The following PLCH1 variants were observed in gnomAD, a reference collection of about 807,000 sequenced individuals.
The protein encoded by PLCH1 is phospholipase C eta 1.
A neutral mutation model predicts 126.7 loss-of-function variants in PLCH1; 60 were observed. The observed-to-expected ratio is 0.47, with a 90% CI of 0.38 to 0.59. PLCH1 has a LOEUF of 0.59. Among genes scored for constraint, PLCH1 ranks in the 20% least tolerant of loss-of-function variants. The pLI is 0.00. For synonymous variants in PLCH1, 719 were observed against 734.9 expected (o/e 0.98, Z 0.35); for missense variants, 1,723 against 2,040.0 (o/e 0.84, Z 2.99).
chr3:155,735,809 T>A (rs1559972956), intron 1 of PLCH1, among the ~76,000 whole-genome samples: 1 of 152,150 alleles, frequency 6.6e-6, no homozygotes, highest in Non-Finnish European at 1.5e-5. Flanking sequence ...ATAAATAGTT[T>A]AAGGAAGCTC....
intron 10 of PLCH1, among the ~76,000 whole-genome samples, chr3:155,546,190 T>A (rs1725251007): frequency 6.6e-6 from 1 of 152,060 alleles, no homozygotes; most frequent in Non-Finnish European, 1.5e-5. Flanking sequence ...TTCAGCAAAG[T>A]CTCAGGATAC....
At chr3:155,727,229 G>T (rs1276407673) in intron 1 of PLCH1, among the ~76,000 whole-genome samples, 1 of 151,878 alleles carries the variant, frequency 6.6e-6, no homozygotes, top group East Asian at 1.9e-4. Flanking sequence ...GTGTTTAGGG[G>T]AGGTTTTTTA....
intron 2 of PLCH1, among the ~76,000 whole-genome samples, chr3:155,681,188 A>T (rs994376152): frequency 6.6e-6 from 1 of 152,204 alleles, no homozygotes; most frequent in African/African-American, 2.4e-5. Flanking sequence ...GAAAAAAATA[A>T]CATTATTTTT....
chr3:155,456,027 G>T (rs1712434344), intron 21 of PLCH1, among the ~76,000 whole-genome samples: 1 of 152,214 alleles, frequency 6.6e-6, no homozygotes, highest in Non-Finnish European at 1.5e-5. Context: ...CAGAATGTGG[G>T]CCAGTGTTGT....
intron 2 of PLCH1, among the ~76,000 whole-genome samples, chr3:155,678,965 A>C (rs1744300423): frequency 1.3e-5 from 2 of 152,192 alleles, no homozygotes; most frequent in Non-Finnish European, 2.9e-5. Context: ...ATCTGACAGC[A>C]TTTCCCTCAT....
intron 10 of PLCH1, 118 bp from the exon 11 acceptor site, chr3:155,524,122 TAC>T: frequency 2.8e-6 from 2 of 708,498 alleles, no homozygotes; most frequent in Non-Finnish European, 2.5e-6. Context: ...TGTATGTACA[TAC>T]AATGGAATCT....
chr3:155,482,187 T>C lies in PLCH1; in HGVS notation c.3839A>G (p.Asp1280Gly). The change falls in exon 23 of 23, where the codon GAT becomes GGT. Residue 1280 changes from aspartate to glycine, a missense_variant. Physicochemically the swap from Asp to Gly is moderately conservative, Grantham distance 94 (BLOSUM62 -1). Around this residue, in one of 2 missense-constraint regions of PLCH1, gnomAD observed 947 missense variants for 977.1 expected, o/e 0.97. Coordinates refer to ENST00000460012, the MANE Select transcript of PLCH1 (RefSeq NM_014996.4). ...TCTPISKTKPDDDLSSKAKTA... is the reference protein window; with the variant it reads ...TCTPISKTKPGDDLSSKAKTA... ...CTTGGCCTTACTAGAAAGGTCATCA[T>C]CTGGTTTGGTTTTAGAGATGGGAGT... The C allele has an allele frequency of 2.5e-6, 4 of 1,614,184 alleles. No individual in the cohort carries two copies. Among genetic ancestry groups the C allele is most frequent in the Non-Finnish European group, 3.4e-6 (4 of 1,180,032 alleles).
At chr3:155,519,998 C>G (rs1447856526) in intron 11 of PLCH1, among the ~76,000 whole-genome samples, 2 of 152,150 alleles carry the variant, frequency 1.3e-5, no homozygotes. Context: ...CTCCTGTCCT[C>G]TACCATCTCC....
At chr3:155,691,500 C>G (rs1422364248) in intron 2 of PLCH1, among the ~76,000 whole-genome samples, 1 of 152,212 alleles carries the variant, frequency 6.6e-6, no homozygotes, top group East Asian at 1.9e-4. Flanking sequence ...TTCTTCTTCA[C>G]AACTCTGAGA....
intron 21 of PLCH1, among the ~76,000 whole-genome samples, chr3:155,461,107 G>A (rs1332415865): frequency 6.6e-6 from 1 of 152,120 alleles, no homozygotes; most frequent in African/African-American, 2.4e-5. Context: ...TGTCTATAAT[G>A]GTATGTTTTG....
chr3:155,703,161 A>T lies in PLCH1; in HGVS notation c.79+985T>A, dbSNP rs1335131120. 2.6e-5 allele frequency among the ~76,000 whole-genome samples: 4 copies of T among 152,244 alleles called. No individual in the cohort carries two copies. The East Asian group carries it at 7.7e-4, about 29-fold the overall frequency. On this transcript the variant is annotated intron_variant, in intron 2 of 22. Transcript: ENST00000460012. ...TAATGAACGTTGAAAAAACACTATAAACACCAAAGTGCTTAATAAAGTAAG... is the reference window on the plus strand; with the variant it reads ...TAATGAACGTTGAAAAAACACTATATACACCAAAGTGCTTAATAAAGTAAG...
intron 6 of PLCH1, among the ~76,000 whole-genome samples, chr3:155,575,616 ACAATAAAGGTAGC>A (rs1729835658): frequency 6.6e-6 from 1 of 152,238 alleles, no homozygotes; most frequent in African/African-American, 2.4e-5. Flanking sequence ...CTTTTGACTT[ACAATAAAGGTAGC>A]CTTTGCTCTT....
intron 2 of PLCH1, among the ~76,000 whole-genome samples, chr3:155,607,389 AC>A (rs1370394561): frequency 5.3e-5 from 8 of 152,200 alleles, no homozygotes; most frequent in Admixed American, 2.6e-4. Context: ...AAATAAAAAA[AC>A]ATGAATGCAT....
At chr3:155,744,572 G>A (rs1749852135) in intron 1 of PLCH1, among the ~76,000 whole-genome samples, 1 of 152,182 alleles carries the variant, frequency 6.6e-6, no homozygotes, top group South Asian at 2.1e-4. Context: ...GGACCCGAGA[G>A]TTACATTATT....
In PLCH1 at chr3:155,733,934, CATATATATATATAT is replaced by C. The variant is rs35149793; in HGVS notation, c.-41+10892_-41+10905del. Among the ~76,000 whole-genome samples the C allele has an allele frequency of 3.1e-3, 305 of 98,164 alleles. 4 individuals carry two copies. The South Asian group carries it at 0.052, about 17-fold the overall frequency. 64.4% of individuals were successfully genotyped at this position (98,164 alleles called of 152,430 possible). On this transcript the variant is annotated intron_variant, in intron 1 of 22. Coordinates refer to ENST00000460012, the MANE Select transcript of PLCH1 (RefSeq NM_014996.4). ...AACATACAAATGGCCAACAGGTATACATATATATATATATATATATATATATATATATATATATA... is the reference window on the plus strand; with the variant it reads ...AACATACAAATGGCCAACAGGTATACATATATATATATATATATATATATA...
intron 1 of PLCH1, among the ~76,000 whole-genome samples, chr3:155,737,390 G>A (rs1292044644): frequency 6.6e-6 from 1 of 151,456 alleles, no homozygotes; most frequent in Non-Finnish European, 1.5e-5. Context: ...GGAGTGCAGT[G>A]GCAGGATCAC....
intron 2 of PLCH1, among the ~76,000 whole-genome samples, chr3:155,689,075 T>C (rs543462097): frequency 6.6e-6 from 1 of 152,174 alleles, no homozygotes; most frequent in East Asian, 1.9e-4. Flanking sequence ...CAGGGGTGCT[T>C]GCATCACCAC....
intron 2 of PLCH1, chr3:155,658,014 T>G (rs1374718621): frequency 1.1e-5 from 2 of 182,784 alleles, no homozygotes; most frequent in Non-Finnish European, 2.4e-5. Context: ...AATTCAAGAT[T>G]GAAAAGGAAA....
chr3:155,728,924 G>A (rs1042336508), intron 1 of PLCH1, among the ~76,000 whole-genome samples: 1 of 152,204 alleles, frequency 6.6e-6, no homozygotes, highest in Non-Finnish European at 1.5e-5. Flanking sequence ...TGCATCTGAA[G>A]ATGTTTCTTG....
Sources: gnomAD v4.1 joint callset for allele counts (sites outside exome capture counted in the v4.1 genomes callset) on GRCh38, gnomAD v4.1.1 for gene constraint, gnomAD v4.1.1 regional missense constraint, MANE v1.5 for transcripts, NCBI Gene and HGNC (gene_info 2026-07-23, HGNC 2026-07-21) for gene names.